KANTR: variants seen among roughly 807,000 people sequenced by gnomAD.
KANTR encodes the protein KANTR integral membrane protein.
downstream of KANTR, among the ~76,000 whole-genome samples, chrX:53,145,337 T>C (rs930127387): frequency 1.8e-5 from 2 of 111,566 alleles, no homozygotes; most frequent in Non-Finnish European, 3.8e-5. Flanking sequence ...TCTTAGCAAA[T>C]AGCTCACCAG....
intron 2 of KANTR, among the ~76,000 whole-genome samples, chrX:53,115,010 A>T (rs1871188117): frequency 1.9e-5 from 2 of 104,858 alleles, no homozygotes; most frequent in Non-Finnish European, 3.9e-5. Context: ...ATCTACTGGG[A>T]TGGGCCTGGA....
At chrX:53,147,247 G>A (rs1933589583), downstream of KANTR, among the ~76,000 whole-genome samples, 1 of 111,596 alleles carries the variant, frequency 9.0e-6, no homozygotes, top group Non-Finnish European at 1.9e-5. Context: ...GACACACATA[G>A]GCTCAAAATA....
At chrX:53,118,083 T>C (rs1482936855) in intron 2 of KANTR, among the ~76,000 whole-genome samples, 2 of 112,180 alleles carry the variant, frequency 1.8e-5, no homozygotes, top group Non-Finnish European at 3.8e-5. Flanking sequence ...ATTTCCAGCT[T>C]TTTGCTCTTA....
intron 2 of KANTR, among the ~76,000 whole-genome samples, chrX:53,138,425 G>C (rs1556817951): frequency 5.5e-5 from 6 of 108,657 alleles, no homozygotes. Context: ...CACTTTGGGA[G>C]GCTGAGGCGG....
chrX:53,130,041 A>G (rs782176075), downstream of KANTR, among the ~76,000 whole-genome samples: 1 of 109,538 alleles, frequency 9.1e-6, no homozygotes, highest in South Asian at 3.9e-4. Context: ...TAATTTTTGT[A>G]TTTTTAGTAG....
At chrX:53,144,634 C>T (rs897414331), downstream of KANTR, among the ~76,000 whole-genome samples, 23 of 110,095 alleles carry the variant, frequency 2.1e-4, no homozygotes, top group African/African-American at 5.3e-4. Context: ...AGGCGGAGGT[C>T]GCAGTCAGCT....
chrX:53,097,375 CAG>C (rs1374763384), intron 1 of KANTR, among the ~76,000 whole-genome samples: 4 of 14,979 alleles, frequency 2.7e-4, no homozygotes, highest in African/African-American at 4.5e-4. Flanking sequence ...TTTTTTGAGA[CAG>C]AATCTCACTC....
chrX:53,136,654 C>G (rs1309367937), intron 2 of KANTR, among the ~76,000 whole-genome samples: 5 of 73,161 alleles, frequency 6.8e-5, no homozygotes, highest in African/African-American at 2.3e-4. Context: ...CTCAGCCTCC[C>G]GAGTAGCTGG....
chrX:53,101,976 G>A (rs1338861225), intron 2 of KANTR, among the ~76,000 whole-genome samples: 1 of 107,621 alleles, frequency 9.3e-6, no homozygotes, highest in African/African-American at 3.4e-5. Context: ...CTCTAGCCTG[G>A]GTGACAGGAG....
At chrX:53,122,348 G>C (rs187098122) in intron 2 of KANTR, among the ~76,000 whole-genome samples, 2 of 112,173 alleles carry the variant, frequency 1.8e-5, no homozygotes, top group African/African-American at 6.5e-5. Context: ...TAAGGTGTCT[G>C]TATATTCTTT....
chrX:53,124,314 C>T (rs928548290), exon 3 of KANTR: 1 of 297,178 alleles, frequency 3.4e-6, no homozygotes. Flanking sequence ...TTTGTGCCTT[C>T]TCACTTTTTT....
chrX:53,104,185 T>TATAA (rs782037680), intron 2 of KANTR, among the ~76,000 whole-genome samples: 3 of 109,821 alleles, frequency 2.7e-5, no homozygotes, highest in Non-Finnish European at 5.7e-5. Flanking sequence ...TAAATATTAT[T>TATAA]ATAAATAAAT....
chrX:53,140,128 C>T (rs1556818264), intron 2 of KANTR, among the ~76,000 whole-genome samples: 1 of 112,283 alleles, frequency 8.9e-6, no homozygotes, highest in Admixed American at 9.4e-5. Context: ...ACAAACCCTC[C>T]TGCATGGCTG....
At chrX:53,140,189 T>C (rs1447519262) in intron 2 of KANTR, among the ~76,000 whole-genome samples, 1 of 112,092 alleles carries the variant, frequency 8.9e-6, no homozygotes, top group African/African-American at 3.2e-5. Context: ...TGGAAGTACC[T>C]TGTCAAATTA....
At chrX:53,104,258 G>A (rs1361953035) in intron 2 of KANTR, among the ~76,000 whole-genome samples, 1 of 109,925 alleles carries the variant, frequency 9.1e-6, no homozygotes, top group Non-Finnish European at 1.9e-5. Flanking sequence ...ACAGCCTCTC[G>A]CTCTGTCACC....
At chrX:53,131,065 G>T (rs1556816993), downstream of KANTR, among the ~76,000 whole-genome samples, 1 of 111,436 alleles carries the variant, frequency 9.0e-6, no homozygotes, top group African/African-American at 3.3e-5. Flanking sequence ...GGCTCTTCAG[G>T]TTGGGGACAC....
chrX:53,144,802 C>T (rs1209198567), downstream of KANTR, among the ~76,000 whole-genome samples: 1 of 111,560 alleles, frequency 9.0e-6, no homozygotes, highest in Non-Finnish European at 1.9e-5. Context: ...ATAAGTAGAC[C>T]GTTTTGCATA....
chrX:53,107,763 G>T (rs1209825580), intron 2 of KANTR, among the ~76,000 whole-genome samples: 1 of 109,725 alleles, frequency 9.1e-6, no homozygotes, highest in Non-Finnish European at 1.9e-5. Flanking sequence ...AGAGTCAGGG[G>T]TTTGTTTTCT....
chrX:53,104,374 A>ATG (rs1556812367), intron 2 of KANTR, among the ~76,000 whole-genome samples: 1 of 109,678 alleles, frequency 9.1e-6, no homozygotes, highest in Admixed American at 9.8e-5. Flanking sequence ...TTACAGGCGC[A>ATG]CACCACCATG....
Sources: allele counts gnomAD v4.1 joint callset (sites outside exome capture counted in the v4.1 genomes callset), GRCh38; gene constraint gnomAD v4.1.1; transcripts MANE v1.5; gene names NCBI Gene and HGNC (gene_info 2026-07-23, HGNC 2026-07-21).